PRIM2: variants seen among roughly 807,000 people sequenced by gnomAD.
PRIM2 encodes DNA primase subunit 2, also known as DNA primase large subunit.
In PRIM2, 39 loss-of-function variants were observed where a neutral mutation model predicts 67.3. That is an observed-to-expected ratio of 0.58 (90% CI 0.45 to 0.76). The LOEUF (loss-of-function observed/expected upper bound fraction) is 0.76. PRIM2 is among the 30% of genes least tolerant of loss of function. The pLI is 0.00. For missense variants in PRIM2, 398 were observed against 598.7 expected (o/e 0.66, Z 3.50); for synonymous variants, 143 against 198.7 (o/e 0.72, Z 2.36).
At chr6:57,337,186 A>G (rs1483640222) in intron 5 of PRIM2, among the ~76,000 whole-genome samples, 6 of 152,014 alleles carry the variant, frequency 3.9e-5, no homozygotes, top group Non-Finnish European at 8.8e-5. Context: ...TGCACCCAAT[A>G]CAGGAGCACC....
At chr6:57,289,836 A>G in the PRIM2 span, among the ~76,000 whole-genome samples, 3 of 152,196 alleles carry the variant, frequency 2.0e-5, no homozygotes, top group African/African-American at 7.2e-5. Context: ...AAATGGTACC[A>G]CCCACTACAA....
chr6:57,242,086 A>G, the PRIM2 span, among the ~76,000 whole-genome samples: 2 of 152,352 alleles, frequency 1.3e-5, no homozygotes, highest in Admixed American at 6.5e-5. Flanking sequence ...TAATAATATT[A>G]ACAATAATAA....
At chr6:57,443,580 C>T (rs561666204) in intron 7 of PRIM2, among the ~76,000 whole-genome samples, 43 of 152,208 alleles carry the variant, frequency 2.8e-4, no homozygotes, top group Non-Finnish European at 5.4e-4. Context: ...CTATTCTGGT[C>T]CCTTGCCCAT....
chr6:57,526,293 A>G (rs1774751557), intron 8 of PRIM2, among the ~76,000 whole-genome samples: 1 of 152,172 alleles, frequency 6.6e-6, no homozygotes, highest in Non-Finnish European at 1.5e-5. Context: ...TTCACCCTTA[A>G]TGCCTTTCAC....
rs1169876248 is a variant in PRIM2 at position 57,482,404 on chromosome 6, A to G, written c.694-24983A>G. Among the ~76,000 whole-genome samples the G allele has an allele frequency of 1.2e-3, 190 of 152,270 alleles. 5 individuals are homozygous for G. The East Asian group carries it at 0.016, about 13-fold the overall frequency. On this transcript the variant is annotated intron_variant, in intron 7 of 13. Transcript: ENST00000615550. Reference sequence around the variant, plus strand: ...TATATAAATCAGAGATTCAGAAGAAAACCTGGTTGGGGGGACCAATTTAAT... The same window carrying G: ...TATATAAATCAGAGATTCAGAAGAAGACCTGGTTGGGGGGACCAATTTAAT...
intron 10 of PRIM2, among the ~76,000 whole-genome samples, chr6:57,579,876 A>C (rs1195658674): frequency 2.6e-5 from 4 of 152,128 alleles, no homozygotes; most frequent in Non-Finnish European, 5.9e-5. Flanking sequence ...AATGCAGTAC[A>C]AGGAGAAAAG....
At chr6:57,242,815 T>C in the PRIM2 span, among the ~76,000 whole-genome samples, 6 of 152,232 alleles carry the variant, frequency 3.9e-5, no homozygotes, top group Admixed American at 3.3e-4. Flanking sequence ...TGGATTTGTA[T>C]CTGAGGTAAT....
At chr6:57,244,296 G>A in the PRIM2 span, among the ~76,000 whole-genome samples, 1 of 152,120 alleles carries the variant, frequency 6.6e-6, no homozygotes, top group Non-Finnish European at 1.5e-5. Context: ...TGCACCAAAG[G>A]CTGTATCTCC....
At chr6:57,323,252 A>G (rs899802455) in intron 3 of PRIM2, among the ~76,000 whole-genome samples, 24 of 152,054 alleles carry the variant, frequency 1.6e-4, no homozygotes, top group African/African-American at 5.1e-4. Flanking sequence ...CCAAATTCCC[A>G]TAGTTGTGTT....
intron 10 of PRIM2, among the ~76,000 whole-genome samples, chr6:57,589,253 A>G (rs1353803177): frequency 6.6e-6 from 1 of 152,172 alleles, no homozygotes; most frequent in Non-Finnish European, 1.5e-5. Context: ...TGGTCAGGAA[A>G]GTATTTGGTG....
chr6:57,642,717 A>G (rs1366242301), intron 13 of PRIM2, among the ~76,000 whole-genome samples: 1 of 152,156 alleles, frequency 6.6e-6, no homozygotes, highest in Non-Finnish European at 1.5e-5. Flanking sequence ...CTGGGATTAC[A>G]GGCGTGAGCC....
At chr6:57,430,905 C>T (rs2127379051) in intron 7 of PRIM2, among the ~76,000 whole-genome samples, 1 of 152,258 alleles carries the variant, frequency 6.6e-6, no homozygotes, top group East Asian at 1.9e-4. Context: ...GCATTTACTT[C>T]AAATAATCTT....
the PRIM2 span, chr6:57,221,614 C>G: frequency 0.14 from 22,080 of 152,454 alleles, 1,709 homozygotes; most frequent in Middle Eastern, 0.18. Context: ...CGCCCCTTCC[C>G]CAGTCGGGAC....
chr6:57,579,489 A>C (rs1198593487), intron 10 of PRIM2, among the ~76,000 whole-genome samples: 1 of 152,154 alleles, frequency 6.6e-6, no homozygotes, highest in African/African-American at 2.4e-5. Context: ...AGATGACTAG[A>C]AGATAACATG....
chr6:57,315,899 AG>A (rs1161436256), upstream of PRIM2, among the ~76,000 whole-genome samples: 1 of 152,184 alleles, frequency 6.6e-6, no homozygotes, highest in Non-Finnish European at 1.5e-5. Context: ...TCTGTGATGC[AG>A]GTTTTTTCAG....
chr6:57,449,686 A>G (rs1282374159), intron 7 of PRIM2, among the ~76,000 whole-genome samples: 2 of 152,232 alleles, frequency 1.3e-5, no homozygotes, highest in African/African-American at 4.8e-5. Flanking sequence ...TGTAATCACT[A>G]AGCAAAGGAG....
intron 7 of PRIM2, among the ~76,000 whole-genome samples, chr6:57,506,023 TGTATTAAA>T (rs1239844351): frequency 1.3e-5 from 2 of 151,962 alleles, no homozygotes; most frequent in Admixed American, 6.6e-5. Context: ...AGATAAAGGA[TGTATTAAA>T]GTATTAAAGT....
At chr6:57,246,450 A>G in the PRIM2 span, among the ~76,000 whole-genome samples, 1 of 152,170 alleles carries the variant, frequency 6.6e-6, no homozygotes, top group African/African-American at 2.4e-5. Flanking sequence ...ACTCTTACCA[A>G]TAGCTCCTCT....
intron 13 of PRIM2, among the ~76,000 whole-genome samples, chr6:57,640,124 A>G (rs1369564647): frequency 6.6e-6 from 1 of 152,230 alleles, no homozygotes; most frequent in Non-Finnish European, 1.5e-5. Flanking sequence ...AACAGAACCA[A>G]TGACAAAAAC....
Sources: allele counts gnomAD v4.1 joint callset (sites outside exome capture counted in the v4.1 genomes callset), GRCh38; gene constraint gnomAD v4.1.1; transcripts MANE v1.5; gene names NCBI Gene and HGNC (gene_info 2026-07-23, HGNC 2026-07-21).